Variants in ZC4H2 observed in about 807,000 individuals in gnomAD.
ZC4H2 encodes the protein zinc finger C4H2 domain-containing protein.
For missense variants in ZC4H2, 137 were observed against 173.9 expected, an observed-to-expected ratio of 0.79 and a Z score of 1.19; for synonymous variants, 84 against 66.3, an observed-to-expected ratio of 1.27 and a Z score of -1.30.
chrX:64,928,538 G>C (rs897224608), intron 1 of ZC4H2, among the ~76,000 whole-genome samples: 4 of 111,430 alleles, frequency 3.6e-5, no homozygotes, highest in Non-Finnish European at 7.5e-5. Context: ...TTGTAGTATA[G>C]TATAGTGATG....
intron 1 of ZC4H2, among the ~76,000 whole-genome samples, chrX:64,959,228 T>C (rs1931282915): frequency 9.2e-6 from 1 of 108,278 alleles, no homozygotes; most frequent in Non-Finnish European, 1.9e-5. Flanking sequence ...AATATAAAAA[T>C]AGCCTAGGTC....
At position 64,962,971 on chromosome X, in the gene ZC4H2, T is replaced by A. The variant is rs1372493774; in HGVS notation, c.53+13354A>T. Among the ~76,000 whole-genome samples the A allele has an allele frequency of 5.5e-5, 6 of 109,649 alleles. No homozygotes were observed. The East Asian group carries it at 1.4e-3, about 26-fold the overall frequency. ...AATCCTTATAAAAATCCCAATGGCA[T>A]TTTTTTTTACATTCATGTAAACTCC... On this transcript the variant is annotated intron_variant, in intron 1 of 4. Coordinates refer to ENST00000374839, the MANE Select transcript of ZC4H2 (RefSeq NM_018684.4).
At chrX:64,983,566 T>C (rs1366226062) in intron 1 of ZC4H2, among the ~76,000 whole-genome samples, 1 of 111,749 alleles carries the variant, frequency 8.9e-6, no homozygotes, top group African/African-American at 3.2e-5. Context: ...TGACATTATT[T>C]AAAAATATGA....
At chrX:64,923,683 AT>A (rs58475253) in intron 1 of ZC4H2, among the ~76,000 whole-genome samples, 15,496 of 98,141 alleles carry the variant, frequency 0.16, 1,945 homozygotes, top group African/African-American at 0.4. Flanking sequence ...ATGTTATTGT[AT>A]TTTTTTTTTT....
chrX:64,947,308 CCTG>C (rs1001334753), intron 1 of ZC4H2, among the ~76,000 whole-genome samples: 9 of 111,475 alleles, frequency 8.1e-5, no homozygotes, highest in African/African-American at 2.9e-4. Context: ...GAATGTGTAT[CCTG>C]CTGCTGGGTG....
At position 64,919,099 on chromosome X, in the gene ZC4H2, A is replaced by G; in HGVS notation, c.504T>C (p.Ala168=). The change falls in exon 4 of 5, where the codon GCT becomes GCC. Residue 168 remains alanine (A), a synonymous_variant. Transcript: ENST00000374839. ...AAAAAQQLQV[A]RKQDTRQTAT... The stretch of plus-strand genomic sequence containing the variant: ...CCGTCTGCCGAGTATCCTGCTTCCT[A>G]GCCACTTGGAGCTGTTGGGCGGCAG... 8.3e-7 allele frequency: 1 copy of G among 1,198,180 alleles called. No individual in the cohort carries two copies. Among genetic ancestry groups the G allele is most frequent in the Non-Finnish European group, 1.1e-6 (1 of 887,764 alleles).
At chrX:64,920,317 C>T in intron 2 of ZC4H2, 64 bp from the exon 3 acceptor site, 1 of 1,102,761 alleles carries the variant, frequency 9.1e-7, no homozygotes, top group Non-Finnish European at 1.2e-6. Flanking sequence ...GGATCTATAG[C>T]TGAGTGAATA....
At chrX:64,946,535 C>G (rs1930541032) in intron 1 of ZC4H2, among the ~76,000 whole-genome samples, 1 of 108,244 alleles carries the variant, frequency 9.2e-6, no homozygotes, top group Non-Finnish European at 1.9e-5. Flanking sequence ...CAGAGCTGTT[C>G]CTATTCAGCC....
chrX:64,968,645 G>T (rs893127639), intron 1 of ZC4H2, among the ~76,000 whole-genome samples: 15 of 111,330 alleles, frequency 1.3e-4, no homozygotes, highest in Non-Finnish European at 2.5e-4. Context: ...TTTTCCAAGA[G>T]GCTAAAGCAC....
intron 1 of ZC4H2, among the ~76,000 whole-genome samples, chrX:64,947,845 CTT>C (rs755382195): frequency 1.1e-4 from 11 of 100,845 alleles, no homozygotes; most frequent in African/African-American, 2.9e-4. Flanking sequence ...TGTCACTTCT[CTT>C]TTTTTTTTTT....
intron 1 of ZC4H2, among the ~76,000 whole-genome samples, chrX:64,950,207 G>C (rs1930732113): frequency 8.9e-6 from 1 of 111,837 alleles, no homozygotes; most frequent in Admixed American, 9.5e-5. Context: ...ACCGTGGTCT[G>C]AGAGACAGTT....
At chrX:64,973,224 G>C (rs752747921) in intron 1 of ZC4H2, among the ~76,000 whole-genome samples, 1 of 109,789 alleles carries the variant, frequency 9.1e-6, no homozygotes, top group East Asian at 2.8e-4. Flanking sequence ...CGTAATTTTA[G>C]TTTCTCCATT....
At chrX:64,928,679 TTCTTCCTCCTCC>T (rs1332197156) in intron 1 of ZC4H2, among the ~76,000 whole-genome samples, 1 of 99,343 alleles carries the variant, frequency 1.0e-5, no homozygotes, top group Non-Finnish European at 2.1e-5. Context: ...CTTCTTCTTC[TTCTTCCTCCTCC>T]TCTTCTTCTT....
intron 1 of ZC4H2, among the ~76,000 whole-genome samples, chrX:64,933,058 A>C (rs776344362): frequency 9.0e-6 from 1 of 111,339 alleles, no homozygotes; most frequent in African/African-American, 3.3e-5. Flanking sequence ...CATTTATTTC[A>C]TTCTTTTTTA....
chrX:65,007,123 C>G lies in ZC4H2; in HGVS notation c.-272+27506G>C, dbSNP rs749805674. 3.7e-5 allele frequency among the ~76,000 whole-genome samples: 4 copies of G among 108,626 alleles called. No individual in the cohort carries two copies. In the East Asian group the frequency reaches 1.1e-3, roughly 31 times the overall value. 94.3% of individuals were successfully genotyped at this position (108,626 alleles called of 115,157 possible). ...GGCACATAGTAGGCACTAATAAATA[C>G]TTGTTGTTCAAAAAAAAAAAAAGAC... On this transcript the variant is annotated intron_variant, in intron 1 of 4. Transcript: ENST00000337990.
chrX:64,966,392 T>C (rs764471310), intron 1 of ZC4H2, among the ~76,000 whole-genome samples: 10 of 112,625 alleles, frequency 8.9e-5, no homozygotes, highest in Non-Finnish European at 1.7e-4. Flanking sequence ...AAAACACTTG[T>C]ATCTTAAAAA....
chrX:65,029,578 T>G lies in ZC4H2; in HGVS notation c.-272+5051A>C, dbSNP rs997045511. Among the ~76,000 whole-genome samples the G allele has an allele frequency of 7.2e-5, 8 of 111,044 alleles. No homozygotes were observed. The Admixed American group carries it at 7.7e-4, about 11-fold the overall frequency. ...TATGTTTACAGGCTGAGGAGAATAA[T>G]ATAGTTGAGACGGACAGTTGTAAGG... is the stretch of plus-strand genomic sequence containing the variant. On this transcript the variant is annotated intron_variant, in intron 1 of 4. Coordinates refer to the ZC4H2 transcript ENST00000337990.
At chrX:64,929,623 G>A (rs1929648453) in intron 1 of ZC4H2, among the ~76,000 whole-genome samples, 1 of 111,227 alleles carries the variant, frequency 9.0e-6, no homozygotes, top group African/African-American at 3.3e-5. Context: ...TGAATAGGGT[G>A]TCCTTTCCCC....
chrX:65,012,914 T>C (rs183373743), intron 1 of ZC4H2, among the ~76,000 whole-genome samples: 51 of 111,783 alleles, frequency 4.6e-4, no homozygotes, highest in African/African-American at 1.7e-3. Context: ...TTTTTGTCTC[T>C]TTTTATTGGG....
Sources: allele counts gnomAD v4.1 joint callset (sites outside exome capture counted in the v4.1 genomes callset), GRCh38; gene constraint gnomAD v4.1.1; transcripts MANE v1.5; gene names NCBI Gene and HGNC (gene_info 2026-07-23, HGNC 2026-07-21).